The following SUCLG1 variants were observed in gnomAD, a reference collection of about 807,000 sequenced individuals.
SUCLG1 encodes the protein succinate--CoA ligase [ADP/GDP-forming] subunit alpha, mitochondrial.
SUCLG1 carries 26 observed loss-of-function variants against 37.3 expected under a neutral mutation model. The observed-to-expected ratio is 0.70, with a 90% CI of 0.51 to 0.97. The LOEUF is 0.97. Ranked by LOEUF, SUCLG1 falls within the 50% of genes least tolerant of loss-of-function variation. The probability of loss-of-function intolerance (pLI) is 0.00; values close to 1 mark genes in which losing one functional copy is unlikely to be tolerated. For synonymous variants in SUCLG1, 163 were observed against 155.6 expected (o/e 1.05, Z -0.36); for missense variants, 433 against 432.9 (o/e 1.00, Z 0.00).
chr2:84,439,463 G>C (rs1216274409), intron 5 of SUCLG1, among the ~76,000 whole-genome samples: 1 of 152,144 alleles, frequency 6.6e-6, no homozygotes, highest in Non-Finnish European at 1.5e-5. Context: ...ATGTACAAGA[G>C]CATCAGTGAT....
Position 84,425,829 on chromosome 2 carries a change from G to T in SUCLG1, c.826-226C>A, listed in dbSNP as rs941713129. 2.0e-5 allele frequency: 11 copies of T among 564,080 alleles called. No homozygotes were observed. The African/African-American group carries it at 2.1e-4, about 11-fold the overall frequency. 34.9% of individuals were successfully genotyped at this position (564,080 alleles called of 1,614,324 possible). A position where few individuals can be genotyped will look rare whatever the true frequency, so the allele number is the denominator to read the frequency against. On this transcript the variant is annotated intron_variant, in intron 7 of 8. Transcript: ENST00000393868. ...GGAATACAACACTGTGCCAATGTCCGTATCTGTTCAATATAAAACTTCCAC... is the reference window on the plus strand; with the variant it reads ...GGAATACAACACTGTGCCAATGTCCTTATCTGTTCAATATAAAACTTCCAC...
chr2:84,454,282 A>G (rs2104269159), intron 1 of SUCLG1, among the ~76,000 whole-genome samples: 1 of 152,378 alleles, frequency 6.6e-6, no homozygotes, highest in East Asian at 1.9e-4. Flanking sequence ...TGCAGTATGC[A>G]CAAATATACC....
chr2:84,452,466 C>T (rs1558615204), intron 1 of SUCLG1, among the ~76,000 whole-genome samples: 1 of 152,174 alleles, frequency 6.6e-6, no homozygotes, highest in East Asian at 1.9e-4. Flanking sequence ...TAAAACATTA[C>T]ACAGTCAAGA....
At position 84,458,193 on chromosome 2, in the gene SUCLG1, C is replaced by A. The variant is rs980402791; in HGVS notation, c.97+980G>T. Among the ~76,000 whole-genome samples, 2 of 151,724 alleles carry A rather than the reference C, an allele frequency of 1.3e-5. 1 individual carries two copies. The highest frequency in any genetic ancestry group is 4.2e-4 in the South Asian group (2 of 4,816). ...ACATTTTTTTTCACTTTTTAAAAAA[C>A]CAGGATACATGTGACAACCACTGGT... On this transcript the variant is annotated intron_variant, in intron 1 of 8. Coordinates refer to ENST00000393868, the MANE Select transcript of SUCLG1 (RefSeq NM_003849.4).
rs1672637552 is a variant in SUCLG1, at chr2:84,433,349, C to T, written c.673+3G>A. 2 of 1,613,592 alleles carry T rather than the reference C, an allele frequency of 1.2e-6. No individual in the cohort carries two copies. ...TAAAATGATTTTAGCAAAAGTCCCTCACCAACGCACAAAGACTGCCCCAAT... is the reference window on the plus strand; with the variant it reads ...TAAAATGATTTTAGCAAAAGTCCCTTACCAACGCACAAAGACTGCCCCAAT... On this transcript the variant is annotated splice_donor_region_variant and intron_variant, in intron 6 of 8. Coordinates refer to ENST00000393868, the MANE Select transcript of SUCLG1 (RefSeq NM_003849.4).
chr2:84,424,457 T>C (rs949655885), intron 8 of SUCLG1, among the ~76,000 whole-genome samples: 4 of 152,186 alleles, frequency 2.6e-5, no homozygotes, highest in African/African-American at 4.8e-5. Context: ...ACTAAGCACC[T>C]AGATTTCTTT....
In SUCLG1 at chr2:84,425,999, T is replaced by A. The variant is rs569945409; in HGVS notation, c.826-396A>T. 3 of 281,806 alleles carry A rather than the reference T, an allele frequency of 1.1e-5. No homozygotes were observed. The South Asian group carries it at 1.1e-4, about 10-fold the overall frequency. The allele number at this position is 281,806 out of a possible 1,614,324, so 17.5% of individuals were successfully genotyped here. On this transcript the variant is annotated intron_variant, in intron 7 of 8. Transcript: ENST00000393868. Reference sequence around the variant, plus strand: ...GCCTTAATTCATTATTAGTTCACCCTTAATAAATGTGCTAAAAGAAAAAGA... The same window carrying A: ...GCCTTAATTCATTATTAGTTCACCCATAATAAATGTGCTAAAAGAAAAAGA...
At position 84,429,361 on chromosome 2, in the gene SUCLG1, C is replaced by CT. The variant is rs552198131; in HGVS notation, c.825+2146dup. ...CAGCACAATGCTGTATTAACCGAAA[C>CT]TTTTTTTTTTAAAGAAGTCAGTTTT... On this transcript the variant is annotated intron_variant, in intron 7 of 8. Transcript: ENST00000393868. Among the ~76,000 whole-genome samples, 85 of 150,598 alleles carry CT rather than the reference C, an allele frequency of 5.6e-4. No homozygotes were observed. The South Asian group carries it at 9.3e-3, about 17-fold the overall frequency.
intron 1 of SUCLG1, among the ~76,000 whole-genome samples, chr2:84,454,232 G>T (rs1672985711): frequency 6.6e-6 from 1 of 152,152 alleles, no homozygotes; most frequent in African/African-American, 2.4e-5. Context: ...CATCTTATAT[G>T]TTTATTTATA....
intron 1 of SUCLG1, among the ~76,000 whole-genome samples, chr2:84,458,067 T>G (rs1673054185): frequency 6.6e-6 from 1 of 151,590 alleles, no homozygotes; most frequent in African/African-American, 2.4e-5. Context: ...AAAAGAAAAC[T>G]AACTTTGAGT....
chr2:84,426,859 C>G (rs1672542653), intron 7 of SUCLG1: 1 of 152,118 alleles, frequency 6.6e-6, no homozygotes, highest in African/African-American at 2.4e-5. Flanking sequence ...TCCCCTAGAC[C>G]AGCAGTTCTC....
chr2:84,438,793 T>G (rs1311984097), intron 5 of SUCLG1, among the ~76,000 whole-genome samples: 2 of 152,208 alleles, frequency 1.3e-5, no homozygotes, highest in African/African-American at 4.8e-5. Context: ...TAGCTAGGAT[T>G]GTAAAACGCA....
At chr2:84,446,605 C>G (rs1168966587) in intron 2 of SUCLG1, among the ~76,000 whole-genome samples, 1 of 152,028 alleles carries the variant, frequency 6.6e-6, no homozygotes, top group Non-Finnish European at 1.5e-5. Context: ...GGCCAGTGCT[C>G]TCTCTCTCTT....
chr2:84,433,573 T>C, intron 5 of SUCLG1, 138 bp from the exon 6 acceptor site: 2 of 741,896 alleles, frequency 2.7e-6, no homozygotes, highest in East Asian at 5.4e-5. Context: ...AAATCAATAG[T>C]ATCTTCAAAC....
At chr2:84,440,769 C>A (rs1402390862) in intron 5 of SUCLG1, among the ~76,000 whole-genome samples, 1 of 152,132 alleles carries the variant, frequency 6.6e-6, no homozygotes, top group Non-Finnish European at 1.5e-5. Flanking sequence ...CTGATATATG[C>A]AAACACATGG....
chr2:84,428,963 G>C (rs968885754), intron 7 of SUCLG1, among the ~76,000 whole-genome samples: 2 of 152,160 alleles, frequency 1.3e-5, no homozygotes, highest in Non-Finnish European at 2.9e-5. Context: ...TCCTGTACCA[G>C]TTTTCTCATT....
chr2:84,435,975 CTTG>C (rs1365769271), intron 5 of SUCLG1, among the ~76,000 whole-genome samples: 5 of 152,174 alleles, frequency 3.3e-5, no homozygotes, highest in Admixed American at 2.0e-4. Context: ...CTACTTAACC[CTTG>C]TTGTGCATCT....
chr2:84,441,481 A>C (rs759333654), intron 3 of SUCLG1, 22 bp from the exon 4 acceptor site: 1 of 1,609,242 alleles, frequency 6.2e-7, no homozygotes, highest in Non-Finnish European at 8.5e-7. Context: ...ACGACGAAGC[A>C]CCTTATTATT....
intron 3 of SUCLG1, among the ~76,000 whole-genome samples, chr2:84,442,023 C>A (rs1243165611): frequency 6.6e-6 from 1 of 152,130 alleles, no homozygotes; most frequent in Non-Finnish European, 1.5e-5. Context: ...ACCAACCCTA[C>A]TCATTCAAAA....
Sources: allele counts gnomAD v4.1 joint callset (sites outside exome capture counted in the v4.1 genomes callset), GRCh38; gene constraint gnomAD v4.1.1; transcripts MANE v1.5; gene names NCBI Gene and HGNC (gene_info 2026-07-23, HGNC 2026-07-21).